The following PCDHGA4 variants were observed in gnomAD, a reference collection of about 807,000 sequenced individuals.
PCDHGA4 encodes the protein protocadherin gamma-A4.
A neutral mutation model predicts 54.6 loss-of-function variants in PCDHGA4; 38 were observed. The ratio of observed to expected loss-of-function variants is 0.70; its 90% CI spans 0.54 to 0.91. PCDHGA4 has a LOEUF of 0.91. Among genes scored for constraint, PCDHGA4 ranks in the 40% least tolerant of loss-of-function variants. The pLI is 0.00. For missense variants in PCDHGA4, 1,298 were observed against 1,220.9 expected, an observed-to-expected ratio of 1.06 and a Z score of -0.94; for synonymous variants, 511 against 512.9, an observed-to-expected ratio of 1.00 and a Z score of 0.05.
Position 141,355,812 on chromosome 5 carries a change from A to G in PCDHGA4, c.705A>G (p.Glu235=), listed in dbSNP as rs777935984. ...LVLERALDRE[E]EAVHHLVLTA... ...TGGAACGCGCTCTAGATCGCGAGGA[A>G]GAGGCGGTTCACCACCTCGTTCTCA... The change falls in exon 1 of 4, where the codon GAA becomes GAG. Residue 235 remains glutamate, a synonymous_variant. Coordinates refer to ENST00000571252, the MANE Select transcript of PCDHGA4 (RefSeq NM_018917.4). The G allele has an allele frequency of 1.2e-6, 2 of 1,613,288 alleles. No individual in the cohort carries two copies. The highest frequency in any genetic ancestry group is 2.2e-5 in the South Asian group (2 of 90,970).
At chr5:141,445,284 C>A (rs2098462533) in intron 1 of PCDHGA4, among the ~76,000 whole-genome samples, 1 of 152,178 alleles carries the variant, frequency 6.6e-6, no homozygotes, top group African/African-American at 2.4e-5. Flanking sequence ...TGCATAAGTT[C>A]AGGCTTCCAT....
intron 1 of PCDHGA4, chr5:141,389,945 G>A (rs2150405694): frequency 1.9e-6 from 3 of 1,614,056 alleles, no homozygotes; most frequent in Middle Eastern, 1.6e-4. Context: ...CTGAGCTGCA[G>A]TTTTACCTAG....
At chr5:141,366,885 T>A (rs1764844821) in intron 1 of PCDHGA4, 3 of 1,309,884 alleles carry the variant, frequency 2.3e-6, no homozygotes, top group African/African-American at 1.5e-5. Flanking sequence ...TTAATTTTTT[T>A]TATATAATTC....
chr5:141,422,432 A>G, intron 1 of PCDHGA4: 1 of 1,609,448 alleles, frequency 6.2e-7, no homozygotes, highest in Non-Finnish European at 8.5e-7. Context: ...TATGGAAATT[A>G]TTACAAATTG....
chr5:141,464,273 A>G (rs1330533734), intron 1 of PCDHGA4, among the ~76,000 whole-genome samples: 1 of 136,736 alleles, frequency 7.3e-6, no homozygotes, highest in African/African-American at 3.0e-5. Context: ...TAAAAAAAAA[A>G]AAAAGCAAAA....
At chr5:141,409,462 C>A (rs377705841) in intron 1 of PCDHGA4, 64 of 1,613,870 alleles carry the variant, frequency 4.0e-5, no homozygotes, top group Non-Finnish European at 5.3e-5. Flanking sequence ...AATACAATGT[C>A]ACCATCGTAG....
intron 1 of PCDHGA4, among the ~76,000 whole-genome samples, chr5:141,474,926 C>T (rs756761848): frequency 1.3e-5 from 2 of 152,218 alleles, no homozygotes; most frequent in Non-Finnish European, 2.9e-5. Context: ...TCATCTCTGG[C>T]TTATATCACA....
At position 141,393,369 on chromosome 5, in the gene PCDHGA4, G is replaced by A. The variant is rs748036677; in HGVS notation, c.2514+35748G>A. 19 of 1,613,962 alleles carry A rather than the reference G, an allele frequency of 1.2e-5. No homozygotes were observed. In the South Asian group the frequency reaches 2.0e-4, roughly 17 times the overall value. Reference sequence around the variant, plus strand: ...CTTCTCCCTGGACGTGCAGACTGGAGACAATGGAGCCATAAACCCAGAGCT... The same window carrying A: ...CTTCTCCCTGGACGTGCAGACTGGAAACAATGGAGCCATAAACCCAGAGCT... On this transcript the variant is annotated intron_variant, in intron 1 of 3. Coordinates refer to ENST00000571252, the MANE Select transcript of PCDHGA4 (RefSeq NM_018917.4).
intron 1 of PCDHGA4, among the ~76,000 whole-genome samples, chr5:141,435,412 T>C (rs2097761991): frequency 6.6e-6 from 1 of 152,222 alleles, no homozygotes; most frequent in Non-Finnish European, 1.5e-5. Flanking sequence ...TGGTAAAGAC[T>C]ATTTTTCACT....
At chr5:141,458,854 T>G (rs2098955098) in intron 1 of PCDHGA4, among the ~76,000 whole-genome samples, 1 of 152,182 alleles carries the variant, frequency 6.6e-6, no homozygotes, top group South Asian at 2.1e-4. Flanking sequence ...CACCTCAGCC[T>G]TCCAAGTAGC....
intron 1 of PCDHGA4, chr5:141,372,557 C>A: frequency 6.2e-7 from 1 of 1,614,048 alleles, no homozygotes; most frequent in Non-Finnish European, 8.5e-7. Flanking sequence ...CCTCCAGACC[C>A]GCCACTGAGG....
intron 1 of PCDHGA4, chr5:141,371,956 A>C: frequency 6.2e-7 from 1 of 1,613,272 alleles, no homozygotes; most frequent in Non-Finnish European, 8.5e-7. Flanking sequence ...CGAGCCTTCG[A>C]CCACGAGCAG....
rs1290682140 is a variant in PCDHGA4 at position 141,431,692 on chromosome 5, G to A, written c.2515-63115G>A. 1 of 1,614,132 alleles carries A rather than the reference G, an allele frequency of 6.2e-7. No homozygotes were observed. The highest frequency in any genetic ancestry group is 2.2e-5 in the East Asian group (1 of 44,888). On this transcript the variant is annotated intron_variant, in intron 1 of 3. Transcript: ENST00000571252. The surrounding 1 kb of genome is among the most constrained non-coding windows in gnomAD (Gnocchi z 4.8). The stretch of plus-strand genomic sequence containing the variant: ...CAATAGGGGAGTTGGACCACGAGGA[G>A]TCAGGATTCTACCAGATGGAAGTGC...
At chr5:141,359,995 T>C in intron 1 of PCDHGA4, 1 of 1,091,948 alleles carries the variant, frequency 9.2e-7, no homozygotes, top group Non-Finnish European at 1.3e-6. Flanking sequence ...GGGAACTTCC[T>C]GCACAAACCA....
intron 1 of PCDHGA4, chr5:141,427,240 C>G (rs1447231420): frequency 1.3e-5 from 6 of 456,536 alleles, no homozygotes; most frequent in Non-Finnish European, 2.6e-5. Context: ...AGAGTAGAAG[C>G]TAAGGATGGT....
chr5:141,406,553 C>T (rs990498102), intron 1 of PCDHGA4, among the ~76,000 whole-genome samples: 1 of 152,150 alleles, frequency 6.6e-6, no homozygotes, highest in African/African-American at 2.4e-5. Flanking sequence ...CTTCAGTTAT[C>T]CACTTCCAAA....
At chr5:141,457,071 C>T in intron 1 of PCDHGA4, among the ~76,000 whole-genome samples, 1 of 152,188 alleles carries the variant, frequency 6.6e-6, no homozygotes, top group Non-Finnish European at 1.5e-5. Context: ...TTGCCAGTAA[C>T]TATTATCCCT....
intron 1 of PCDHGA4, chr5:141,422,115 T>G: frequency 6.2e-7 from 1 of 1,605,004 alleles, no homozygotes; most frequent in Non-Finnish European, 8.5e-7. Context: ...TCCAATTGGA[T>G]TCACAAACTG....
intron 1 of PCDHGA4, among the ~76,000 whole-genome samples, chr5:141,373,465 A>G (rs2150023959): frequency 6.6e-6 from 1 of 152,348 alleles, no homozygotes; most frequent in Non-Finnish European, 1.5e-5. Flanking sequence ...AGCAGCTGCA[A>G]TGAGCTATAA....
Sources: allele counts gnomAD v4.1 joint callset (sites outside exome capture counted in the v4.1 genomes callset), GRCh38; gene constraint gnomAD v4.1.1; non-coding constraint Gnocchi (gnomAD v3.1); transcripts MANE v1.5; gene names NCBI Gene and HGNC (gene_info 2026-07-23, HGNC 2026-07-21).